Variants in SLC24A2 observed in about 807,000 individuals in gnomAD.
SLC24A2 encodes the protein sodium/potassium/calcium exchanger 2.
In SLC24A2, 36 loss-of-function variants were observed where a neutral mutation model predicts 62.0. The observed-to-expected ratio is 0.58, with a 90% CI of 0.44 to 0.77. SLC24A2 has a LOEUF of 0.77. Ranked by LOEUF, SLC24A2 falls within the 30% of genes least tolerant of loss-of-function variation. The pLI is 0.00. For synonymous variants in SLC24A2, 358 were observed against 294.0 expected (o/e 1.22, Z -2.23); for missense variants, 846 against 817.9 (o/e 1.03, Z -0.42).
chr9:20,203,053 A>G, the SLC24A2 span, among the ~76,000 whole-genome samples: 2 of 152,052 alleles, frequency 1.3e-5, no homozygotes. Context: ...TAAATCCCCC[A>G]TTAATTAACA....
intron 5 of SLC24A2, among the ~76,000 whole-genome samples, chr9:19,581,590 G>C (rs1031665052): frequency 1.3e-5 from 2 of 152,212 alleles, no homozygotes; most frequent in African/African-American, 4.8e-5. Flanking sequence ...CTGCTATTCA[G>C]AAAGGGTTGC....
chr9:20,174,888 G>C, the SLC24A2 span, among the ~76,000 whole-genome samples: 3 of 151,824 alleles, frequency 2.0e-5, no homozygotes, highest in African/African-American at 7.3e-5. Context: ...GTAGGAAAAA[G>C]ATACTTGCAC....
the SLC24A2 span, among the ~76,000 whole-genome samples, chr9:20,259,567 G>A: frequency 1.3e-5 from 2 of 152,054 alleles, no homozygotes; most frequent in Non-Finnish European, 2.9e-5. Flanking sequence ...TGAGTTATAT[G>A]CCTACTGTTT....
chr9:20,285,221 G>A, the SLC24A2 span, among the ~76,000 whole-genome samples: 28 of 152,276 alleles, frequency 1.8e-4, no homozygotes, highest in African/African-American at 6.7e-4. Context: ...CAATGTGACT[G>A]CATGTGGAAA....
the SLC24A2 span, among the ~76,000 whole-genome samples, chr9:20,026,305 C>T: frequency 1.3e-5 from 2 of 152,180 alleles, no homozygotes; most frequent in African/African-American, 4.8e-5. Flanking sequence ...CAGTTCCAGC[C>T]TACAGGCCAG....
chr9:19,691,291 A>G (rs1160720329), intron 2 of SLC24A2, among the ~76,000 whole-genome samples: 22 of 152,190 alleles, frequency 1.4e-4, no homozygotes, highest in Non-Finnish European at 7.3e-5. Context: ...GTGTAGCCAC[A>G]TGCCAGCCCC....
At chr9:20,010,328 T>C in the SLC24A2 span, among the ~76,000 whole-genome samples, 1 of 152,070 alleles carries the variant, frequency 6.6e-6, no homozygotes, top group Non-Finnish European at 1.5e-5. Context: ...AGTGTAAGAA[T>C]ACAAACAATA....
intron 2 of SLC24A2, among the ~76,000 whole-genome samples, chr9:19,755,975 G>C (rs1484524138): frequency 1.3e-5 from 2 of 152,120 alleles, no homozygotes; most frequent in African/African-American, 4.8e-5. Flanking sequence ...GTTCACATAA[G>C]TCCACCTAGG....
chr9:19,523,551 T>G (rs1325607918), intron 9 of SLC24A2, among the ~76,000 whole-genome samples: 2 of 151,022 alleles, frequency 1.3e-5, no homozygotes, highest in African/African-American at 4.9e-5. Flanking sequence ...AAACATTTGC[T>G]TCCTGGGTTC....
intron 2 of SLC24A2, among the ~76,000 whole-genome samples, chr9:19,731,959 GTA>G (rs1278889040): frequency 1.3e-5 from 2 of 152,156 alleles, no homozygotes; most frequent in Non-Finnish European, 2.9e-5. Context: ...TGTGAAATGA[GTA>G]TGACAATATC....
chr9:19,793,229 T>C (rs933043838), upstream of SLC24A2, among the ~76,000 whole-genome samples: 2 of 152,248 alleles, frequency 1.3e-5, no homozygotes, highest in African/African-American at 4.8e-5. Context: ...GGTTTTTGTT[T>C]CTCACTTGTG....
the SLC24A2 span, among the ~76,000 whole-genome samples, chr9:20,112,607 A>G: frequency 2.0e-5 from 3 of 152,154 alleles, no homozygotes; most frequent in Non-Finnish European, 1.5e-5. Flanking sequence ...GTGATCTCAT[A>G]TACTCAAAGC....
chr9:19,732,306 T>G (rs913123580), intron 2 of SLC24A2, among the ~76,000 whole-genome samples: 1 of 152,168 alleles, frequency 6.6e-6, no homozygotes, highest in East Asian at 1.9e-4. Flanking sequence ...ATTTCCACAG[T>G]CTGATTAGCT....
At chr9:19,644,936 G>C (rs1018601611) in intron 2 of SLC24A2, among the ~76,000 whole-genome samples, 1 of 152,020 alleles carries the variant, frequency 6.6e-6, no homozygotes, top group Non-Finnish European at 1.5e-5. Context: ...TCTTTTTCAT[G>C]CATTAAGCAT....
chr9:19,938,373 T>C, the SLC24A2 span, among the ~76,000 whole-genome samples: 1 of 152,146 alleles, frequency 6.6e-6, no homozygotes, highest in Non-Finnish European at 1.5e-5. Flanking sequence ...TGGATAGACA[T>C]TTTTTACAGC....
At chr9:20,118,438 C>T in the SLC24A2 span, among the ~76,000 whole-genome samples, 3 of 151,834 alleles carry the variant, frequency 2.0e-5, no homozygotes, top group Non-Finnish European at 4.4e-5. Context: ...ATGAATAAAG[C>T]TTCCAGGGGC....
chr9:19,702,590 T>G (rs1315282374), intron 2 of SLC24A2, among the ~76,000 whole-genome samples: 1 of 152,218 alleles, frequency 6.6e-6, no homozygotes, highest in Non-Finnish European at 1.5e-5. Context: ...GTAGTTTACA[T>G]AATAATAGCT....
chr9:20,038,163 C>A, the SLC24A2 span, among the ~76,000 whole-genome samples: 1 of 152,156 alleles, frequency 6.6e-6, no homozygotes, highest in African/African-American at 2.4e-5. Flanking sequence ...GAGGCATTGA[C>A]TCCAGAGTTA....
At chr9:19,706,934 A>G (rs1564053527) in intron 2 of SLC24A2, among the ~76,000 whole-genome samples, 1 of 151,898 alleles carries the variant, frequency 6.6e-6, no homozygotes, top group Non-Finnish European at 1.5e-5. Context: ...ATAGAGACAC[A>G]AAAAACCCTT....
Sources: allele counts gnomAD v4.1 joint callset (sites outside exome capture counted in the v4.1 genomes callset), GRCh38; gene constraint gnomAD v4.1.1; transcripts MANE v1.5; gene names NCBI Gene and HGNC (gene_info 2026-07-23, HGNC 2026-07-21).